The following CEP152 variants were observed in gnomAD, a reference collection of about 807,000 sequenced individuals.
CEP152 encodes the protein centrosomal protein of 152 kDa.
CEP152 carries 132 observed loss-of-function variants against 188.9 expected under a neutral mutation model. The ratio of observed to expected loss-of-function variants is 0.70; its 90% CI spans 0.61 to 0.81. The LOEUF (loss-of-function observed/expected upper bound fraction) is 0.81. CEP152 is among the 30% of genes least tolerant of loss of function. The pLI is 0.00. For synonymous variants in CEP152, 649 were observed against 666.6 expected, an observed-to-expected ratio of 0.97 and a Z score of 0.41; for missense variants, 1,914 against 1,969.8, an observed-to-expected ratio of 0.97 and a Z score of 0.54.
intron 9 of CEP152, 82 bp downstream of exon 9, chr15:48,788,719 A>G (rs918453998): frequency 9.6e-5 from 122 of 1,277,190 alleles, no homozygotes; most frequent in Non-Finnish European, 1.4e-4. Context: ...AGACTTCTAT[A>G]TGATGAACCA....
chr15:48,809,236 A>C (rs1254372437), intron 1 of CEP152, among the ~76,000 whole-genome samples: 5 of 152,224 alleles, frequency 3.3e-5, no homozygotes, highest in Non-Finnish European at 7.3e-5. Context: ...TGAATATGAT[A>C]TAGGCATGTT....
intron 8 of CEP152, among the ~76,000 whole-genome samples, chr15:48,790,994 G>A (rs1039164268): frequency 2.0e-5 from 3 of 152,164 alleles, no homozygotes; most frequent in Admixed American, 1.3e-4. Flanking sequence ...GAATGTGAAT[G>A]TGTCACCACT....
chr15:48,769,202 C>T, intron 13 of CEP152, 121 bp from the exon 14 acceptor site: 3 of 729,910 alleles, frequency 4.1e-6, no homozygotes, highest in South Asian at 1.8e-5. Context: ...AGCTTTTACT[C>T]ATCTTCCCCC....
At chr15:48,789,079 C>T (rs1896850329) in intron 8 of CEP152, 78 bp from the exon 9 acceptor site, 2 of 1,271,442 alleles carry the variant, frequency 1.6e-6, no homozygotes, top group Admixed American at 3.5e-5. Flanking sequence ...TAAACTTTTA[C>T]TTTTACTATA....
downstream of CEP152, among the ~76,000 whole-genome samples, chr15:48,736,761 A>G (rs904279486): frequency 1.3e-5 from 2 of 152,200 alleles, no homozygotes; most frequent in Non-Finnish European, 2.9e-5. Flanking sequence ...AGAACTTCCA[A>G]TTTCAACCTT....
chr15:48,792,861 G>T (rs1048416597), intron 7 of CEP152, among the ~76,000 whole-genome samples: 6 of 150,510 alleles, frequency 4.0e-5, no homozygotes, highest in African/African-American at 1.2e-4. Flanking sequence ...CTGTCACCCA[G>T]CCTGAAGTGC....
chr15:48,778,748 A>T (rs1274094364), intron 12 of CEP152, among the ~76,000 whole-genome samples: 1 of 152,082 alleles, frequency 6.6e-6, no homozygotes, highest in East Asian at 1.9e-4. Flanking sequence ...TCGGGAGTTC[A>T]AGACCAGCCT....
At chr15:48,735,920 A>G (rs1188831778), downstream of CEP152, among the ~76,000 whole-genome samples, 1 of 152,158 alleles carries the variant, frequency 6.6e-6, no homozygotes, top group Non-Finnish European at 1.5e-5. Flanking sequence ...TAAGAAAAAA[A>G]TGAGATGACA....
chr15:48,773,626 G>C (rs1288708946), intron 12 of CEP152: 1 of 152,150 alleles, frequency 6.6e-6, no homozygotes, highest in African/African-American at 2.4e-5. Context: ...ATAAGGCTGG[G>C]AATATGTTAT....
rs1894925584 is a variant in CEP152, at chr15:48,764,658, T to C, written c.2281-1986A>G. Among the ~76,000 whole-genome samples, 5 of 152,188 alleles carry C rather than the reference T, an allele frequency of 3.3e-5. 1 individual carries two copies. The South Asian group carries it at 1.0e-3, about 32-fold the overall frequency. ...TACCCAACCTGAAGGATTCCGTGTATATGATTTTTTCCCCCTTTCTCTCAA... is the reference window on the plus strand; with the variant it reads ...TACCCAACCTGAAGGATTCCGTGTACATGATTTTTTCCCCCTTTCTCTCAA... On this transcript the variant is annotated intron_variant, in intron 17 of 26. Coordinates refer to ENST00000380950, the MANE Select transcript of CEP152 (RefSeq NM_001194998.2).
intron 21 of CEP152, among the ~76,000 whole-genome samples, chr15:48,751,432 C>T (rs1187314983): frequency 6.6e-6 from 1 of 152,058 alleles, no homozygotes; most frequent in African/African-American, 2.4e-5. Flanking sequence ...TTCTCAGCCA[C>T]CTAGAACCTA....
At chr15:48,744,829 A>T (rs1893286122) in intron 23 of CEP152, 67 bp downstream of exon 23, 1 of 1,436,500 alleles carries the variant, frequency 7.0e-7, no homozygotes. Context: ...ATTGATACTT[A>T]AAAAAATTTA....
intron 8 of CEP152, 71 bp downstream of exon 8, chr15:48,791,166 T>C (rs761329418): frequency 6.6e-6 from 9 of 1,356,492 alleles, no homozygotes; most frequent in Non-Finnish European, 9.2e-6. Context: ...AATTTAGTCC[T>C]ACCCTACAAA....
chr15:48,759,024 T>C (rs955770364), intron 19 of CEP152, among the ~76,000 whole-genome samples: 1 of 152,170 alleles, frequency 6.6e-6, no homozygotes, highest in African/African-American at 2.4e-5. Flanking sequence ...ACAATCATAT[T>C]GTTTCTTCTC....
downstream of CEP152, among the ~76,000 whole-genome samples, chr15:48,735,909 C>T (rs569354124): frequency 6.6e-6 from 1 of 151,760 alleles, no homozygotes; most frequent in South Asian, 2.1e-4. Context: ...TTTAGATAGA[C>T]TAAGAAAAAA....
chr15:48,744,109 T>C, intron 24 of CEP152, 131 bp downstream of exon 24: 1 of 1,437,104 alleles, frequency 7.0e-7, no homozygotes, highest in Non-Finnish European at 9.4e-7. Context: ...AATAATCTCT[T>C]TTAAGATTGA....
rs573098024 is a variant in CEP152 at position 48,791,848 on chromosome 15, T to TA, written c.833-473dup. 2.0e-3 allele frequency among the ~76,000 whole-genome samples: 294 copies of TA among 144,976 alleles called. 1 individual carries two copies. The highest frequency in any genetic ancestry group is 6.2e-3 in the African/African-American group (246 of 39,646). Reference sequence around the variant, plus strand: ...AAATAAATTATTAAAAATTAAAAATTAAAAAAAAAAACAAACCTGATACCA... The same window carrying TA: ...AAATAAATTATTAAAAATTAAAAATTAAAAAAAAAAAACAAACCTGATACCA... On this transcript the variant is annotated intron_variant, in intron 7 of 26. Coordinates refer to ENST00000380950, the MANE Select transcript of CEP152 (RefSeq NM_001194998.2).
In CEP152 at chr15:48,796,146, T is replaced by C. The variant is rs758075522; in HGVS notation, c.555A>G (p.Gln185=). 2.5e-6 allele frequency: 4 copies of C among 1,613,666 alleles called. No homozygotes were observed. The highest frequency in any genetic ancestry group is 3.4e-6 in the Non-Finnish European group (4 of 1,179,782). The change falls in exon 6 of 27, where the codon CAA becomes CAG. Residue 185 remains glutamine, a synonymous_variant. Coordinates refer to ENST00000380950, the MANE Select transcript of CEP152 (RefSeq NM_001194998.2). Reference sequence around the variant, plus strand: ...TCACTTTATTATACGGTTCCAAACCTTGACAACTGGGACCCTGTGATAACA... The same window carrying C: ...TCACTTTATTATACGGTTCCAAACCCTGACAACTGGGACCCTGTGATAACA... ...QWNHFQGPSC[Q]GLEPYNKVTY...
chr15:48,782,021 TG>T (rs1261920754), intron 11 of CEP152, 117 bp downstream of exon 11: 1 of 833,884 alleles, frequency 1.2e-6, no homozygotes, highest in Non-Finnish European at 2.0e-6. Context: ...TCCCATGGGC[TG>T]GTTTGAAGGT....
Sources: gnomAD v4.1 joint callset for allele counts (sites outside exome capture counted in the v4.1 genomes callset) on GRCh38, gnomAD v4.1.1 for gene constraint, MANE v1.5 for transcripts, NCBI Gene and HGNC (gene_info 2026-07-23, HGNC 2026-07-21) for gene names.